TRPC5: variants seen among roughly 807,000 people sequenced by gnomAD.
TRPC5 encodes transient receptor potential cation channel subfamily C member 5.
Under a neutral mutation model 56.5 loss-of-function variants are expected in TRPC5, and 9 were observed. The observed-to-expected ratio is 0.16, with a 90% CI of 0.10 to 0.28. The LOEUF is 0.28. Ranked by LOEUF, TRPC5 falls within the 10% of genes least tolerant of loss-of-function variation. The probability of loss-of-function intolerance (pLI) is 1.00; values close to 1 mark genes in which losing one functional copy is unlikely to be tolerated. For synonymous variants in TRPC5, 282 were observed against 278.5 expected (o/e 1.01, Z -0.13); for missense variants, 469 against 748.9 (o/e 0.63, Z 4.36).
chrX:111,999,833 G>A (rs1390520031), intron 1 of TRPC5, among the ~76,000 whole-genome samples: 1 of 111,087 alleles, frequency 9.0e-6, no homozygotes, highest in Non-Finnish European at 1.9e-5. Flanking sequence ...GGGCATGGTG[G>A]TACACACCTG....
At chrX:111,897,027 A>G (rs892499917) in intron 3 of TRPC5, among the ~76,000 whole-genome samples, 7 of 112,238 alleles carry the variant, frequency 6.2e-5, no homozygotes, top group African/African-American at 2.3e-4. Flanking sequence ...AGCGTACACA[A>G]ACTTTGTTTA....
chrX:111,893,861 AGT>A (rs762191207), intron 3 of TRPC5, among the ~76,000 whole-genome samples: 1 of 111,989 alleles, frequency 8.9e-6, no homozygotes, highest in Non-Finnish European at 1.9e-5. Flanking sequence ...AAGAGTTTAA[AGT>A]GTAAATACTC....
chrX:112,076,568 C>T (rs1930839802), intron 1 of TRPC5, among the ~76,000 whole-genome samples: 3 of 111,737 alleles, frequency 2.7e-5, no homozygotes, highest in South Asian at 7.5e-4. Flanking sequence ...AGGCAGAAAC[C>T]TAGTTCTGCT....
Position 112,063,219 on chromosome X carries a change from AGACT to A in TRPC5, c.-22+18656_-22+18659del, listed in dbSNP as rs1230212477. On this transcript the variant is annotated intron_variant, in intron 1 of 10. Coordinates refer to ENST00000262839, the MANE Select transcript of TRPC5 (RefSeq NM_012471.3). The stretch of plus-strand genomic sequence containing the variant: ...AGGTTTGAAGGGACCTAGAGATTCT[AGACT>A]GGTTTGTTTGAACTCTGGCCTGTAG... Among the ~76,000 whole-genome samples, 11 of 111,992 alleles carry A rather than the reference AGACT, an allele frequency of 9.8e-5. 1 individual carries two copies. The highest frequency in any genetic ancestry group is 8.4e-3 in the Middle Eastern group (2 of 237).
At chrX:111,809,835 T>A (rs1921641255) in intron 7 of TRPC5, among the ~76,000 whole-genome samples, 1 of 111,027 alleles carries the variant, frequency 9.0e-6, no homozygotes, top group African/African-American at 3.3e-5. Flanking sequence ...AAGTATACAA[T>A]ACATTATTAT....
chrX:111,774,139 T>C lies in TRPC5; in HGVS notation c.*2174A>G, dbSNP rs3027756. Among the ~76,000 whole-genome samples the C allele has an allele frequency of 4.5e-4, 51 of 112,245 alleles. No homozygotes were observed. The Admixed American group carries it at 4.6e-3, about 10-fold the overall frequency. ...GATTGATTTACACATATTATCTCTT[T>C]AGAACGTAAGTGACAGAAGACTTTT... is the stretch of plus-strand genomic sequence containing the variant. On this transcript the variant is annotated 3_prime_UTR_variant, in exon 11 of 11. Transcript: ENST00000262839.
intron 3 of TRPC5, among the ~76,000 whole-genome samples, chrX:111,906,921 C>A (rs1436802429): frequency 1.8e-5 from 2 of 111,283 alleles, no homozygotes; most frequent in East Asian, 5.7e-4. Flanking sequence ...GTAATCCTAC[C>A]TATCCTTGAA....
chrX:111,791,545 G>T (rs1315883345), intron 7 of TRPC5, among the ~76,000 whole-genome samples: 5 of 112,402 alleles, frequency 4.4e-5, no homozygotes, highest in Non-Finnish European at 7.5e-5. Context: ...GGTATTCTGT[G>T]TATGGGTTTG....
intron 1 of TRPC5, among the ~76,000 whole-genome samples, chrX:112,016,074 T>C (rs1325672702): frequency 8.9e-6 from 1 of 112,137 alleles, no homozygotes; most frequent in African/African-American, 3.2e-5. Context: ...GGGGTTGTTT[T>C]TGAATATTGC....
intron 3 of TRPC5, among the ~76,000 whole-genome samples, chrX:111,880,350 G>GATGA (rs1924151770): frequency 1.8e-5 from 2 of 112,335 alleles, no homozygotes; most frequent in South Asian, 3.7e-4. Context: ...ATATTTGTGG[G>GATGA]ATGAATGAAT....
intron 1 of TRPC5, among the ~76,000 whole-genome samples, chrX:112,006,082 G>A (rs914329961): frequency 3.4e-4 from 38 of 111,543 alleles, no homozygotes; most frequent in Non-Finnish European, 5.6e-4. Flanking sequence ...TGCCTCTGCA[G>A]CTTCTGCTGG....
chrX:111,913,644 T>A (rs1457243104), intron 2 of TRPC5, among the ~76,000 whole-genome samples: 1 of 111,420 alleles, frequency 9.0e-6, no homozygotes, highest in African/African-American at 3.3e-5. Context: ...ACCTGATCAA[T>A]GAATTAAAAA....
intron 7 of TRPC5, among the ~76,000 whole-genome samples, chrX:111,821,457 G>A (rs1922028117): frequency 9.0e-6 from 1 of 111,485 alleles, no homozygotes; most frequent in African/African-American, 3.3e-5. Flanking sequence ...AAGTAAAAGG[G>A]AGAGTAATGC....
At chrX:111,826,231 C>A (rs918227266) in intron 7 of TRPC5, among the ~76,000 whole-genome samples, 3 of 111,851 alleles carry the variant, frequency 2.7e-5, no homozygotes, top group African/African-American at 9.7e-5. Context: ...CAGACTTTTC[C>A]CTCTAAACTA....
At chrX:111,853,734 G>T (rs1923148427) in intron 4 of TRPC5, 36 bp downstream of exon 4, 1 of 1,164,910 alleles carries the variant, frequency 8.6e-7, no homozygotes, top group African/African-American at 1.8e-5. Context: ...GGACCATCAG[G>T]CAGTCTGGCC....
intron 2 of TRPC5, among the ~76,000 whole-genome samples, chrX:111,942,965 T>C (rs1019053): frequency 0.2 from 22,119 of 111,116 alleles, 2,509 homozygotes; most frequent in African/African-American, 0.44. Flanking sequence ...ATGACATTAG[T>C]CAGCAGGTGA....
intron 1 of TRPC5, among the ~76,000 whole-genome samples, chrX:112,030,207 T>G (rs778781451): frequency 8.9e-6 from 1 of 112,833 alleles, no homozygotes; most frequent in East Asian, 2.8e-4. Context: ...GAAATGAATA[T>G]TTTTTGGTCA....
At chrX:111,882,367 G>C (rs1031012727) in intron 3 of TRPC5, among the ~76,000 whole-genome samples, 1 of 112,271 alleles carries the variant, frequency 8.9e-6, no homozygotes, top group Non-Finnish European at 1.9e-5. Flanking sequence ...TCTTGTCTCT[G>C]ACTTCTTTAT....
intron 7 of TRPC5, among the ~76,000 whole-genome samples, chrX:111,832,594 A>G (rs781555796): frequency 1.8e-5 from 2 of 112,108 alleles, no homozygotes; most frequent in African/African-American, 6.5e-5. Context: ...CAGGTTGTCC[A>G]ATATCATGAT....
Sources: gnomAD v4.1 joint callset for allele counts (sites outside exome capture counted in the v4.1 genomes callset) on GRCh38, gnomAD v4.1.1 for gene constraint, MANE v1.5 for transcripts, NCBI Gene and HGNC (gene_info 2026-07-23, HGNC 2026-07-21) for gene names.